KHDRBS2: variants seen among roughly 807,000 people sequenced by gnomAD.
The protein encoded by KHDRBS2 is KH domain-containing, RNA-binding, signal transduction-associated protein 2.
In KHDRBS2, 26 loss-of-function variants were observed where a neutral mutation model predicts 44.3. The ratio of observed to expected loss-of-function variants is 0.59; its 90% CI spans 0.43 to 0.81. The LOEUF (loss-of-function observed/expected upper bound fraction) is 0.81. Among genes scored for constraint, KHDRBS2 ranks in the 40% least tolerant of loss-of-function variants. The pLI is 0.00. For synonymous variants in KHDRBS2, 194 were observed against 151.1 expected (o/e 1.28, Z -2.08); for missense variants, 476 against 433.1 (o/e 1.10, Z -0.88).
intron 2 of KHDRBS2, among the ~76,000 whole-genome samples, chr6:62,173,415 T>C (rs561156365): frequency 1.3e-5 from 2 of 152,002 alleles, no homozygotes; most frequent in Non-Finnish European, 2.9e-5. Flanking sequence ...AACAGACCAA[T>C]AATGAGTTCC....
chr6:61,636,952 G>T, the KHDRBS2 span, among the ~76,000 whole-genome samples: 1 of 151,910 alleles, frequency 6.6e-6, no homozygotes, highest in Non-Finnish European at 1.5e-5. Flanking sequence ...AGAATATCTA[G>T]GTCACTATTT....
At chr6:61,925,159 CA>C (rs1332570084) in intron 4 of KHDRBS2, among the ~76,000 whole-genome samples, 2 of 152,088 alleles carry the variant, frequency 1.3e-5, no homozygotes, top group Non-Finnish European at 2.9e-5. Context: ...AGATTTCCAA[CA>C]AAAGGTAGAA....
At chr6:61,811,781 C>T (rs895947379) in intron 6 of KHDRBS2, among the ~76,000 whole-genome samples, 11 of 151,934 alleles carry the variant, frequency 7.2e-5, no homozygotes, top group Admixed American at 6.6e-5. Context: ...TTACATATTA[C>T]CAAATCAGAT....
chr6:61,865,840 G>A (rs1366996623), intron 6 of KHDRBS2, among the ~76,000 whole-genome samples: 2 of 152,190 alleles, frequency 1.3e-5, no homozygotes, highest in African/African-American at 4.8e-5. Flanking sequence ...TGGTGGGGTA[G>A]TCTAATCTTA....
At chr6:61,890,445 T>C (rs1318894089) in intron 6 of KHDRBS2, among the ~76,000 whole-genome samples, 2 of 152,242 alleles carry the variant, frequency 1.3e-5, no homozygotes, top group Non-Finnish European at 2.9e-5. Flanking sequence ...CACTATAAAT[T>C]GGAACACACG....
At chr6:61,861,376 G>C (rs1293491060) in intron 6 of KHDRBS2, among the ~76,000 whole-genome samples, 1 of 152,068 alleles carries the variant, frequency 6.6e-6, no homozygotes, top group Non-Finnish European at 1.5e-5. Context: ...AATCCACCTT[G>C]AGACAATTTT....
chr6:61,999,485 G>C (rs1777818720), intron 3 of KHDRBS2, among the ~76,000 whole-genome samples: 1 of 151,898 alleles, frequency 6.6e-6, no homozygotes, highest in South Asian at 2.1e-4. Flanking sequence ...ATATACTGTG[G>C]CACACTTTGG....
chr6:61,550,389 A>G, the KHDRBS2 span, among the ~76,000 whole-genome samples: 1 of 152,170 alleles, frequency 6.6e-6, no homozygotes, highest in East Asian at 1.9e-4. Context: ...TTTATGCTGC[A>G]TAGTATTCCA....
At chr6:61,910,752 A>C (rs984066964) in intron 4 of KHDRBS2, among the ~76,000 whole-genome samples, 1 of 152,132 alleles carries the variant, frequency 6.6e-6, no homozygotes, top group Non-Finnish European at 1.5e-5. Flanking sequence ...AAAATCAATC[A>C]CTCTTCAGGT....
chr6:61,770,319 G>T (rs1288399892), intron 6 of KHDRBS2, among the ~76,000 whole-genome samples: 3 of 152,194 alleles, frequency 2.0e-5, no homozygotes, highest in Non-Finnish European at 4.4e-5. Context: ...ACCAGCAATG[G>T]AACAAAGCTG....
intron 4 of KHDRBS2, among the ~76,000 whole-genome samples, chr6:61,909,922 GTTTA>G (rs1805739793): frequency 1.3e-5 from 2 of 152,280 alleles, no homozygotes; most frequent in Middle Eastern, 3.4e-3. Context: ...TTAAAACTGT[GTTTA>G]TAGCCACTGG....
intron 7 of KHDRBS2, among the ~76,000 whole-genome samples, chr6:61,715,113 A>G (rs1026937718): frequency 2.6e-5 from 4 of 151,942 alleles, no homozygotes; most frequent in Non-Finnish European, 5.9e-5. Flanking sequence ...CTCACTACCA[A>G]TGTGCAAGTG....
chr6:61,696,143 C>T (rs759929139), intron 8 of KHDRBS2, among the ~76,000 whole-genome samples: 1 of 151,880 alleles, frequency 6.6e-6, no homozygotes, highest in Non-Finnish European at 1.5e-5. Flanking sequence ...CAATGCCAAG[C>T]AGCCTTGGTA....
intron 2 of KHDRBS2, among the ~76,000 whole-genome samples, chr6:62,078,874 C>T (rs1796847447): frequency 6.6e-6 from 1 of 151,960 alleles, no homozygotes; most frequent in African/African-American, 2.4e-5. Context: ...TAAAAGGGAA[C>T]ATTTTTTGTG....
intron 3 of KHDRBS2, among the ~76,000 whole-genome samples, chr6:62,004,565 G>A (rs1290623822): frequency 6.6e-6 from 1 of 151,866 alleles, no homozygotes; most frequent in African/African-American, 2.4e-5. Context: ...ATTCACAGCC[G>A]AATTCTACCA....
In KHDRBS2 at chr6:62,135,544, A is replaced by G. The variant is rs115239262; in HGVS notation, c.219+41641T>C. Among the ~76,000 whole-genome samples, 1,226 of 152,296 alleles carry G rather than the reference A, an allele frequency of 8.1e-3. 11 individuals carry two copies. The highest frequency in any genetic ancestry group is 0.028 in the African/African-American group (1,150 of 41,550). ...CTCTTCTGTGTACAGACCCAAGGGA[A>G]TTAAAATCATCACCTCCAAAACATA... On this transcript the variant is annotated intron_variant, in intron 2 of 8. Transcript: ENST00000281156.
chr6:61,730,044 G>A (rs1774192975), intron 7 of KHDRBS2, among the ~76,000 whole-genome samples: 1 of 151,852 alleles, frequency 6.6e-6, no homozygotes, highest in Non-Finnish European at 1.5e-5. Context: ...TTAGAAATTG[G>A]CACGATATTA....
chr6:61,611,481 A>C, the KHDRBS2 span, among the ~76,000 whole-genome samples: 1 of 152,216 alleles, frequency 6.6e-6, no homozygotes, highest in Admixed American at 6.5e-5. Context: ...AATATCTACA[A>C]TGAAACCTTA....
intron 2 of KHDRBS2, among the ~76,000 whole-genome samples, chr6:62,164,407 C>A (rs961188387): frequency 6.6e-6 from 1 of 151,720 alleles, no homozygotes; most frequent in Non-Finnish European, 1.5e-5. Flanking sequence ...CTACATAGAA[C>A]CAATTTTTCT....
Sources: gnomAD v4.1 joint callset for allele counts (sites outside exome capture counted in the v4.1 genomes callset) on GRCh38, gnomAD v4.1.1 for gene constraint, MANE v1.5 for transcripts, NCBI Gene and HGNC (gene_info 2026-07-23, HGNC 2026-07-21) for gene names.